PTPRG: variants seen among roughly 807,000 people sequenced by gnomAD.
PTPRG encodes the protein receptor-type tyrosine-protein phosphatase gamma.
In PTPRG, 102 loss-of-function variants were observed where a neutral mutation model predicts 165.3. The observed-to-expected ratio is 0.62, with a 90% CI of 0.53 to 0.73. The LOEUF (loss-of-function observed/expected upper bound fraction) is 0.73. Among genes scored for constraint, PTPRG ranks in the 30% least tolerant of loss-of-function variants. PTPRG has a pLI of 0.00. For missense variants in PTPRG, 1,866 were observed against 1,861.4 expected, an observed-to-expected ratio of 1.00 and a Z score of -0.05; for synonymous variants, 675 against 669.5, an observed-to-expected ratio of 1.01 and a Z score of -0.13.
chr3:61,684,800 A>G (rs1703567811), intron 1 of PTPRG, among the ~76,000 whole-genome samples: 1 of 152,228 alleles, frequency 6.6e-6, no homozygotes, highest in East Asian at 1.9e-4. Context: ...TCTGAGTTTT[A>G]CAGTTGACTG....
chr3:62,064,082 G>C (rs1220128292), intron 4 of PTPRG, among the ~76,000 whole-genome samples: 1 of 152,024 alleles, frequency 6.6e-6, no homozygotes, highest in African/African-American at 2.4e-5. Flanking sequence ...GGTGGGGTTT[G>C]GGTTTTGTTC....
intron 26 of PTPRG, among the ~76,000 whole-genome samples, chr3:62,278,630 C>A (rs963134247): frequency 2.7e-4 from 41 of 151,918 alleles, no homozygotes; most frequent in African/African-American, 9.9e-4. Flanking sequence ...GACTGAACCC[C>A]CAGTCTTGGT....
intron 5 of PTPRG, among the ~76,000 whole-genome samples, chr3:62,080,792 A>G (rs549085529): frequency 6.6e-6 from 1 of 152,304 alleles, no homozygotes; most frequent in African/African-American, 2.4e-5. Flanking sequence ...TGTGCAAATC[A>G]ACAAAATACC....
chr3:62,160,680 C>G (rs1704721507), intron 7 of PTPRG, among the ~76,000 whole-genome samples: 1 of 152,238 alleles, frequency 6.6e-6, no homozygotes, highest in Non-Finnish European at 1.5e-5. Flanking sequence ...GATGATGGTT[C>G]TTTGCCCATA....
chr3:62,114,013 T>C (rs1559522486), intron 5 of PTPRG, among the ~76,000 whole-genome samples: 1 of 152,188 alleles, frequency 6.6e-6, no homozygotes, highest in Non-Finnish European at 1.5e-5. Context: ...AGAAGTGGCT[T>C]TCCGACCGGG....
chr3:62,043,683 G>A (rs138914488), intron 4 of PTPRG, among the ~76,000 whole-genome samples: 2,511 of 152,250 alleles, frequency 0.016, 32 homozygotes, highest in Non-Finnish European at 0.023. Flanking sequence ...AGCTTTGGTC[G>A]TGAATTTAAG....
At chr3:61,765,057 A>G (rs1338664437) in intron 2 of PTPRG, among the ~76,000 whole-genome samples, 5 of 152,186 alleles carry the variant, frequency 3.3e-5, no homozygotes, top group Non-Finnish European at 7.3e-5. Flanking sequence ...TCGTTTTTAC[A>G]CAGTTGGTCT....
At chr3:61,747,039 G>C (rs987064645) in intron 1 of PTPRG, among the ~76,000 whole-genome samples, 5 of 152,144 alleles carry the variant, frequency 3.3e-5, no homozygotes, top group Non-Finnish European at 5.9e-5. Context: ...TGGGAGGACT[G>C]CTTGAACCCA....
At chr3:62,078,088 T>C in intron 4 of PTPRG, 75 bp from the exon 5 acceptor site, 3 of 986,732 alleles carry the variant, frequency 3.0e-6, no homozygotes, top group Non-Finnish European at 4.6e-6. Flanking sequence ...GAATATACAT[T>C]TATGGTACTA....
intron 1 of PTPRG, among the ~76,000 whole-genome samples, chr3:61,645,049 C>T (rs1158919806): frequency 2.0e-5 from 3 of 151,972 alleles, no homozygotes; most frequent in Admixed American, 1.3e-4. Flanking sequence ...TTTCCTTCTC[C>T]CACTAAGAAC....
chr3:61,823,456 G>A (rs112596624), intron 2 of PTPRG, among the ~76,000 whole-genome samples: 23 of 152,046 alleles, frequency 1.5e-4, no homozygotes, highest in Admixed American at 8.5e-4. Flanking sequence ...CAAAGTACTG[G>A]GATTACAGGC....
chr3:61,725,888 G>T (rs1450415788), intron 1 of PTPRG, among the ~76,000 whole-genome samples: 1 of 152,044 alleles, frequency 6.6e-6, no homozygotes, highest in Non-Finnish European at 1.5e-5. Context: ...AAGTCAGATC[G>T]AGAGAACAAG....
At chr3:61,876,917 A>T (rs1235063253) in intron 2 of PTPRG, among the ~76,000 whole-genome samples, 1 of 151,988 alleles carries the variant, frequency 6.6e-6, no homozygotes, top group Non-Finnish European at 1.5e-5. Flanking sequence ...TACTTAACTT[A>T]AGTAGTCTGT....
intron 5 of PTPRG, among the ~76,000 whole-genome samples, chr3:62,090,362 T>G (rs1182572561): frequency 6.6e-6 from 1 of 152,150 alleles, no homozygotes; most frequent in East Asian, 1.9e-4. Context: ...GAACCGATTA[T>G]AGGGTTTAGT....
intron 2 of PTPRG, among the ~76,000 whole-genome samples, chr3:61,969,745 C>A (rs1427339709): frequency 6.6e-6 from 1 of 152,118 alleles, no homozygotes; most frequent in Non-Finnish European, 1.5e-5. Flanking sequence ...CTATCAGCTG[C>A]ATATGTCCAA....
intron 1 of PTPRG, among the ~76,000 whole-genome samples, chr3:61,706,953 A>C (rs977241972): frequency 6.6e-6 from 1 of 152,204 alleles, no homozygotes; most frequent in African/African-American, 2.4e-5. Context: ...GTGCATTTAC[A>C]TATGGGGAAA....
At chr3:61,870,679 T>G (rs906044632) in intron 2 of PTPRG, among the ~76,000 whole-genome samples, 1 of 151,304 alleles carries the variant, frequency 6.6e-6, no homozygotes, top group African/African-American at 2.4e-5. Flanking sequence ...TCGCACCCAT[T>G]GTTGGGTAGG....
At chr3:61,970,164 T>A (rs915043642) in intron 2 of PTPRG, among the ~76,000 whole-genome samples, 4 of 152,168 alleles carry the variant, frequency 2.6e-5, no homozygotes, top group Non-Finnish European at 5.9e-5. Flanking sequence ...CAATGTCAAC[T>A]CAAGTTAATG....
intron 8 of PTPRG, among the ~76,000 whole-genome samples, chr3:62,169,260 T>C (rs1241201828): frequency 3.3e-5 from 5 of 152,090 alleles, no homozygotes; most frequent in Non-Finnish European, 2.9e-5. Context: ...TATTTCCCTG[T>C]CTCCTGTCCA....
Sources: gnomAD v4.1 joint callset for allele counts (sites outside exome capture counted in the v4.1 genomes callset) on GRCh38, gnomAD v4.1.1 for gene constraint, MANE v1.5 for transcripts, NCBI Gene and HGNC (gene_info 2026-07-23, HGNC 2026-07-21) for gene names.